The following MVB12A variants were observed in gnomAD, a reference collection of about 807,000 sequenced individuals.
MVB12A encodes CIN85/CD2AP family binding protein.
Under a neutral mutation model 34.3 loss-of-function variants are expected in MVB12A, and 30 were observed. The observed-to-expected ratio is 0.88, with a 90% CI of 0.65 to 1.19. The LOEUF (loss-of-function observed/expected upper bound fraction) is 1.19. Among genes scored for constraint, MVB12A ranks in the 50% most tolerant of loss-of-function variants. The pLI, the probability that MVB12A is intolerant of heterozygous loss-of-function variation, is 0.00. For synonymous variants in MVB12A, 158 were observed against 158.9 expected (o/e 0.99, Z 0.04); for missense variants, 355 against 369.2 (o/e 0.96, Z 0.31).
At chr19:17,416,068 G>C (rs2074797829), upstream of MVB12A, among the ~76,000 whole-genome samples, 1 of 152,124 alleles carries the variant, frequency 6.6e-6, no homozygotes, top group Admixed American at 6.6e-5. Context: ...TTAAATAACA[G>C]GCCTTGCCAA....
intron 2 of MVB12A, chr19:17,414,925 AC>A (rs1302019379): frequency 1.3e-5 from 2 of 151,930 alleles, no homozygotes; most frequent in Non-Finnish European, 2.9e-5. Flanking sequence ...GGGGTGGTTC[AC>A]CCTTGTAATC....
chr19:17,419,578 T>C (rs2074821999), upstream of MVB12A: 1 of 152,244 alleles, frequency 6.6e-6, no homozygotes, highest in Non-Finnish European at 1.5e-5. Flanking sequence ...AGAACTGGAA[T>C]TGCAGATTCT....
At position 17,420,408 on chromosome 19, in the gene MVB12A, A is replaced by G; in HGVS notation, c.186A>G (p.Leu62=). Residue 62 remains leucine, a synonymous_variant, in exon 2 of 9, where the codon CTA becomes CTG. Transcript: ENST00000317040. ...YFLCLSSLGS[L]ENPQENVVAD... The stretch of plus-strand genomic sequence containing the variant: ...TGTGCCTTAGTTCTCTGGGCAGCCT[A>G]GAGGTAAGAGGTGCCCACCTTCGGA... The G allele has an allele frequency of 6.2e-7, 1 of 1,613,798 alleles. No homozygotes were observed. The highest frequency in any genetic ancestry group is 8.5e-7 in the Non-Finnish European group (1 of 1,179,774).
intron 1 of MVB12A, 43 bp downstream of exon 1, chr19:17,420,268 C>T: frequency 6.5e-7 from 1 of 1,543,454 alleles, no homozygotes; most frequent in Non-Finnish European, 8.7e-7. Flanking sequence ...GGGAGGCAGT[C>T]GCTGTGGGGT....
chr19:17,409,309 T>G (rs955082767), intron 2 of MVB12A, among the ~76,000 whole-genome samples: 1 of 151,290 alleles, frequency 6.6e-6, no homozygotes. Context: ...TTTTGTATTT[T>G]TAGGAGAGAC....
At chr19:17,418,592 C>A (rs2074816624), upstream of MVB12A, among the ~76,000 whole-genome samples, 2 of 151,216 alleles carry the variant, frequency 1.3e-5, no homozygotes, top group South Asian at 4.2e-4. Context: ...CGGGGTTTCA[C>A]CATGTTAGGC....
chr19:17,424,652 A>G lies in MVB12A; in HGVS notation c.734A>G (p.Lys245Arg), dbSNP rs764716224. The G allele has an allele frequency of 6.2e-7, 1 of 1,612,600 alleles. No individual in the cohort carries two copies. The highest frequency in any genetic ancestry group is 1.7e-5 in the Admixed American group (1 of 59,748). The change falls in exon 8 of 9, where the codon AAG (lysine) becomes AGG (arginine). Residue 245 changes from lysine to arginine, a missense_variant. Lys to Arg is a conservative substitution (Grantham distance 26). Coordinates refer to ENST00000317040, the MANE Select transcript of MVB12A (RefSeq NM_138401.4). ...AFSAFGDLTI[K>R]SLADIEEEYN... ...TCTGCTTTTGGGGACCTGACCATCA[A>G]GTCTCTGGCGGACATTGAGGAGGAG...
rs2074788443 is a variant in MVB12A at position 17,414,698 on chromosome 19, G to C, written c.-5+8402G>C. The C allele has an allele frequency of 2.6e-5, 4 of 152,152 alleles. 1 individual carries two copies. The South Asian group carries it at 8.3e-4, about 32-fold the overall frequency. 9.4% of individuals were successfully genotyped at this position (152,152 alleles called of 1,614,324 possible). A position where few individuals can be genotyped will look rare whatever the true frequency, so the allele number is the denominator to read the frequency against. ...AGCCTGGCCAACATAGTAAAACCCC[G>C]TCTCTACTAAAAATACAAAAATGAG... On this transcript the variant is annotated intron_variant, in intron 2 of 6. Transcript: ENST00000528604.
chr19:17,408,042 G>C (rs764476540), intron 2 of MVB12A, among the ~76,000 whole-genome samples: 1 of 152,136 alleles, frequency 6.6e-6, no homozygotes, highest in Non-Finnish European at 1.5e-5. Flanking sequence ...TGTATGGCCT[G>C]GTTTTTCCTA....
At chr19:17,413,961 C>T (rs965418497) in intron 2 of MVB12A, among the ~76,000 whole-genome samples, 3 of 152,086 alleles carry the variant, frequency 2.0e-5, no homozygotes, top group Admixed American at 2.0e-4. Context: ...TGCCTATGTC[C>T]CAAGCTCTCA....
Position 17,420,418 on chromosome 19 carries a change from G to C in MVB12A, c.189+7G>C, listed in dbSNP as rs551481125. On this transcript the variant is annotated splice_region_variant and intron_variant, in intron 2 of 8. Transcript: ENST00000317040. ...TTCTCTGGGCAGCCTAGAGGTAAGA[G>C]GTGCCCACCTTCGGAACCACCAGGG... The C allele has an allele frequency of 2.5e-6, 4 of 1,613,738 alleles. No individual in the cohort carries two copies. In the African/African-American group the frequency reaches 5.3e-5, roughly 22 times the overall value.
Position 17,422,457 on chromosome 19 carries a change from G to T in MVB12A, c.412G>T (p.Gly138Trp). ...GACAGTGCCTGGATACCTTCGAATA[G>T]GGTAGGGCCACCCCCCAGTGTCTAG... Reference protein sequence around the residue: ...TKTVPGYLRIGDMGGFAIWCK... With the variant: ...TKTVPGYLRIWDMGGFAIWCK... Residue 138 changes from glycine to tryptophan, a missense_variant and splice_region_variant, in exon 4 of 9, where the codon GGG becomes TGG. By Grantham distance (184) the Gly-to-Trp change is radical. Coordinates refer to ENST00000317040, the MANE Select transcript of MVB12A (RefSeq NM_138401.4). The T allele has an allele frequency of 6.2e-7, 1 of 1,608,162 alleles. No individual in the cohort carries two copies. Among genetic ancestry groups the T allele is most frequent in the Admixed American group, 1.7e-5 (1 of 59,510 alleles).
At chr19:17,406,359 T>G (rs1182513392) in intron 2 of MVB12A, 1 of 152,190 alleles carries the variant, frequency 6.6e-6, no homozygotes, top group Non-Finnish European at 1.5e-5. Flanking sequence ...CCTCAGACAC[T>G]GTCCATGTGG....
At chr19:17,415,605 T>C (rs939198344), upstream of MVB12A, 1 of 152,286 alleles carries the variant, frequency 6.6e-6, no homozygotes, top group African/African-American at 2.4e-5. Context: ...AATTATTGCA[T>C]TTGAGCTCCG....
At chr19:17,411,720 T>A (rs2074770478) in intron 2 of MVB12A, among the ~76,000 whole-genome samples, 1 of 151,800 alleles carries the variant, frequency 6.6e-6, no homozygotes, top group Admixed American at 6.6e-5. Flanking sequence ...GGTCTCAAAC[T>A]CCTGGGCTCA....
intron 2 of MVB12A, among the ~76,000 whole-genome samples, chr19:17,406,715 C>G (rs2074731162): frequency 6.6e-6 from 1 of 152,114 alleles, no homozygotes; most frequent in African/African-American, 2.4e-5. Flanking sequence ...GAGGCTGAGG[C>G]AGGAGGATCA....
rs1375228737 is a variant in MVB12A at position 17,425,055 on chromosome 19, C to A, written c.*62C>A. ...ACCTCCCCGCCAGCCTGGGGCCACC[C>A]CCCCTCACTGCATCCTGGGGCCACC... On this transcript the variant is annotated 3_prime_UTR_variant, in exon 9 of 9. Coordinates refer to ENST00000317040, the MANE Select transcript of MVB12A (RefSeq NM_138401.4). The A allele has an allele frequency of 7.1e-6, 6 of 841,316 alleles. No homozygotes were observed. The highest frequency in any genetic ancestry group is 6.9e-5 in the African/African-American group (4 of 58,270). 52.1% of individuals were successfully genotyped at this position (841,316 alleles called of 1,614,324 possible). A position where few individuals can be genotyped will look rare whatever the true frequency, so the allele number is the denominator to read the frequency against.
At chr19:17,420,027 C>CCCCCCCAG, upstream of MVB12A, 1 of 504,516 alleles carries the variant, frequency 2.0e-6, no homozygotes, top group East Asian at 4.5e-5. Flanking sequence ...CCCCCCCCCC[C>CCCCCCCAG]GCATGGCCTT....
At chr19:17,416,115 C>A (rs1301799779), upstream of MVB12A, among the ~76,000 whole-genome samples, 1 of 152,184 alleles carries the variant, frequency 6.6e-6, no homozygotes, top group Admixed American at 6.6e-5. Context: ...CGGAGTCTTG[C>A]TCTGTCGCCC....
Sources: gnomAD v4.1 joint callset for allele counts (sites outside exome capture counted in the v4.1 genomes callset) on GRCh38, gnomAD v4.1.1 for gene constraint, MANE v1.5 for transcripts, NCBI Gene and HGNC (gene_info 2026-07-23, HGNC 2026-07-21) for gene names.